The following METRNL variants were observed in gnomAD, a reference collection of about 807,000 sequenced individuals.
METRNL encodes meteorin-like protein.
In METRNL, 9 loss-of-function variants were observed where a neutral mutation model predicts 17.4. That is an observed-to-expected ratio of 0.52 (90% CI 0.31 to 0.90). The LOEUF is 0.90. Ranked by LOEUF, METRNL falls within the 40% of genes least tolerant of loss-of-function variation. METRNL has a pLI of 0.05. For missense variants in METRNL, 408 were observed against 430.7 expected, an observed-to-expected ratio of 0.95 and a Z score of 0.47; for synonymous variants, 215 against 199.3, an observed-to-expected ratio of 1.08 and a Z score of -0.66.
intron 1 of METRNL, 55 bp downstream of exon 1, chr17:83,080,040 G>T: frequency 1.0e-6 from 1 of 987,496 alleles, no homozygotes; most frequent in South Asian, 4.6e-5. Flanking sequence ...GTCCCCTCCC[G>T]TCCCGGGCCG....
Position 83,094,571 on chromosome 17 carries a change from A to G in METRNL, c.932A>G (p.Asp311Gly). Residue 311 changes from aspartate to glycine, a missense_variant, in exon 4 of 4, where the codon GAC (aspartate) becomes GGC (glycine). Transcript: ENST00000320095. ...CTGAACCCTTGTGAGGTTGGCACGG[A>G]CTGACTCCGTGGGCCGCTGCCCTTC... ...RGLNPCEVGT[D>G] is the part of the protein sequence containing the mutation. The G allele has an allele frequency of 1.4e-6, 2 of 1,463,104 alleles. No individual in the cohort carries two copies. Among genetic ancestry groups the G allele is most frequent in the South Asian group, 2.9e-5 (2 of 68,696 alleles). 90.6% of individuals were successfully genotyped at this position (1,463,104 alleles called of 1,614,324 possible). A position where few individuals can be genotyped will look rare whatever the true frequency, so the allele number is the denominator to read the frequency against.
In METRNL at chr17:83,093,159, T is replaced by C; in HGVS notation, c.557-8T>C. The C allele has an allele frequency of 6.2e-7, 1 of 1,607,016 alleles. No homozygotes were observed. The highest frequency in any genetic ancestry group is 1.7e-5 in the Admixed American group (1 of 60,002). ...AGGCTGCTTCCTGACTCTGCCTTTCTTCTCCAGCGCCGTGCCGTCCCTGCA... is the reference window on the plus strand; with the variant it reads ...AGGCTGCTTCCTGACTCTGCCTTTCCTCTCCAGCGCCGTGCCGTCCCTGCA... On this transcript the variant is annotated splice_polypyrimidine_tract_variant and splice_region_variant and intron_variant, in intron 2 of 3. Coordinates refer to ENST00000320095, the MANE Select transcript of METRNL (RefSeq NM_001004431.3).
intron 1 of METRNL, chr17:83,082,257 C>T (rs759839273): frequency 8.1e-6 from 8 of 985,320 alleles, no homozygotes; most frequent in Non-Finnish European, 9.6e-6. Flanking sequence ...GTTAACCTGC[C>T]AGTGGGTTCG....
chr17:83,089,946 C>T (rs1421842085), intron 2 of METRNL, among the ~76,000 whole-genome samples: 2 of 151,858 alleles, frequency 1.3e-5, no homozygotes, highest in Non-Finnish European at 2.9e-5. Context: ...GCCGGGTGAG[C>T]CAGGGCGGGG....
intron 2 of METRNL, among the ~76,000 whole-genome samples, chr17:83,092,947 C>T (rs551233485): frequency 3.3e-5 from 5 of 152,252 alleles, no homozygotes; most frequent in Admixed American, 2.6e-4. Context: ...GGTGAGACCC[C>T]GTCGTGGTCG....
chr17:83,089,959 CCCAGGGCACGTGAGGGCAGCGTCT>C (rs1262953466), intron 2 of METRNL, among the ~76,000 whole-genome samples: 1 of 151,922 alleles, frequency 6.6e-6, no homozygotes, highest in Non-Finnish European at 1.5e-5. Context: ...GGGCGGGGTA[CCCAGGGCACGTGAGGGCAGCGTCT>C]CCATCCTCCC....
At chr17:83,084,705 C>T (rs2038029114) in intron 1 of METRNL, 3 of 568,238 alleles carry the variant, frequency 5.3e-6, no homozygotes, top group Non-Finnish European at 6.1e-6. Flanking sequence ...CCCACCATGG[C>T]TCTTGGTGCA....
intron 1 of METRNL, chr17:83,084,692 C>T (rs1360021724): frequency 2.0e-5 from 11 of 554,518 alleles, no homozygotes; most frequent in Non-Finnish European, 3.2e-5. Context: ...AGCTCGGCCC[C>T]GCCCCACCAT....
chr17:83,091,479 C>T (rs555606718), intron 2 of METRNL, among the ~76,000 whole-genome samples: 3 of 152,336 alleles, frequency 2.0e-5, no homozygotes, highest in Admixed American at 2.0e-4. Flanking sequence ...TCTCCGTTGA[C>T]CACATGTGCA....
In METRNL at chr17:83,085,087, G is replaced by A; in HGVS notation, c.320G>A (p.Cys107Tyr). The change falls in exon 2 of 4, where the codon TGC (cysteine) becomes TAC (tyrosine). Residue 107 changes from cysteine to tyrosine, a missense_variant. By Grantham distance (194) the Cys-to-Tyr change is radical (BLOSUM62 -2). Coordinates refer to ENST00000320095, the MANE Select transcript of METRNL (RefSeq NM_001004431.3). ...TFSPARHLTV[C>Y]IRSFTDSSGA... is the part of the protein sequence containing the mutation. ...TCGCCTGCCCGGCACCTGACCGTGT[G>A]CATCAGGTCCTTCACGGACTCCTCG... 6.2e-7 allele frequency: 1 copy of A among 1,613,908 alleles called. No homozygotes were observed. Among genetic ancestry groups the A allele is most frequent in the Non-Finnish European group, 8.5e-7 (1 of 1,180,028 alleles).
At chr17:83,082,352 C>T in intron 1 of METRNL, 2 of 641,212 alleles carry the variant, frequency 3.1e-6, no homozygotes, top group African/African-American at 2.0e-5. Flanking sequence ...GCCTCAACAA[C>T]CCTCCAGTGC....
At position 83,095,000 on chromosome 17, in the gene METRNL, A is replaced by G. The variant is rs1211018141; in HGVS notation, c.*425A>G. On this transcript the variant is annotated 3_prime_UTR_variant, in exon 4 of 4. Transcript: ENST00000320095. The stretch of plus-strand genomic sequence containing the variant: ...GCCATTCAGAGTTGTTATTCTCATG[A>G]CGGAAGTTTTGGAGCCAAATAATAC... The G allele has an allele frequency of 3.3e-5, 6 of 181,630 alleles. No individual in the cohort carries two copies. Among genetic ancestry groups the G allele is most frequent in the African/African-American group, 1.4e-4 (6 of 42,678 alleles). 11.3% of individuals were successfully genotyped at this position (181,630 alleles called of 1,614,324 possible).
intron 2 of METRNL, among the ~76,000 whole-genome samples, chr17:83,089,601 C>T (rs2038093031): frequency 6.6e-6 from 1 of 152,062 alleles, no homozygotes; most frequent in South Asian, 2.1e-4. Flanking sequence ...CCCAGCCCTC[C>T]CCCTCCGAGG....
In METRNL at chr17:83,094,707, C is replaced by G. The variant is rs1725719153; in HGVS notation, c.*132C>G. The G allele has an allele frequency of 3.0e-6, 2 of 658,526 alleles. No homozygotes were observed. The highest frequency in any genetic ancestry group is 3.7e-5 in the African/African-American group (2 of 53,334). The allele number at this position is 658,526 out of a possible 1,614,324, so 40.8% of individuals were successfully genotyped here. On this transcript the variant is annotated 3_prime_UTR_variant, in exon 4 of 4. Coordinates refer to ENST00000320095, the MANE Select transcript of METRNL (RefSeq NM_001004431.3). ...CCTGGGCCCAGGCCTGACCCTGGTACCGAAGCTGTGGACGTTCTCGCCACA... is the reference window on the plus strand; with the variant it reads ...CCTGGGCCCAGGCCTGACCCTGGTAGCGAAGCTGTGGACGTTCTCGCCACA...
At chr17:83,081,428 C>T (rs1391743597) in intron 1 of METRNL, among the ~76,000 whole-genome samples, 1 of 152,124 alleles carries the variant, frequency 6.6e-6, no homozygotes, top group Non-Finnish European at 1.5e-5. Flanking sequence ...TGTCAGGGGA[C>T]TGTGTGCCCG....
Position 83,085,548 on chromosome 17 carries a change from G to C in METRNL, c.556+225G>C, listed in dbSNP as rs2038043270. 5.9e-5 allele frequency among the ~76,000 whole-genome samples: 9 copies of C among 152,124 alleles called. No homozygotes were observed. The South Asian group carries it at 1.9e-3, about 31-fold the overall frequency. Reference sequence around the variant, plus strand: ...GGGGCCCTCCTAGGGGGTGTGACATGGTGTAGGGGGGTGTGGGATGTCTAA... The same window carrying C: ...GGGGCCCTCCTAGGGGGTGTGACATCGTGTAGGGGGGTGTGGGATGTCTAA... On this transcript the variant is annotated intron_variant, in intron 2 of 3. Transcript: ENST00000320095.
chr17:83,091,989 A>T (rs4986081), intron 2 of METRNL, among the ~76,000 whole-genome samples: 1 of 152,066 alleles, frequency 6.6e-6, no homozygotes, highest in African/African-American at 2.4e-5. Flanking sequence ...TGGCCCGCCC[A>T]TCTAAGAAAC....
intron 2 of METRNL, among the ~76,000 whole-genome samples, chr17:83,088,576 G>A (rs945625762): frequency 2.0e-5 from 3 of 152,178 alleles, no homozygotes; most frequent in African/African-American, 7.2e-5. Context: ...GCCCAGGGCC[G>A]GGCAGCAGCA....
chr17:83,089,415 G>A (rs983834610), intron 2 of METRNL, among the ~76,000 whole-genome samples: 5 of 151,298 alleles, frequency 3.3e-5, no homozygotes, highest in South Asian at 2.1e-4. Context: ...CAGTCCTGCC[G>A]GACCGGTCGG....
Sources: gnomAD v4.1 joint callset for allele counts (sites outside exome capture counted in the v4.1 genomes callset) on GRCh38, gnomAD v4.1.1 for gene constraint, MANE v1.5 for transcripts, NCBI Gene and HGNC (gene_info 2026-07-23, HGNC 2026-07-21) for gene names.